Variants in TRIM2 observed in about 807,000 individuals in gnomAD.
TRIM2 encodes the protein tripartite motif-containing protein 2.
Under a neutral mutation model 75.2 loss-of-function variants are expected in TRIM2, and 20 were observed. The observed-to-expected ratio is 0.27, with a 90% CI of 0.19 to 0.39. The LOEUF (loss-of-function observed/expected upper bound fraction) is 0.39, where lower values mean the gene tolerates loss of function less well. TRIM2 is among the 10% of genes least tolerant of loss of function. TRIM2 has a pLI of 1.00. For synonymous variants in TRIM2, 373 were observed against 388.3 expected, an observed-to-expected ratio of 0.96 and a Z score of 0.46; for missense variants, 660 against 990.8, an observed-to-expected ratio of 0.67 and a Z score of 4.48.
chr4:153,167,926 C>T (rs1730470560), intron 1 of TRIM2, among the ~76,000 whole-genome samples: 4 of 152,172 alleles, frequency 2.6e-5, no homozygotes, highest in Non-Finnish European at 5.9e-5. Context: ...CTTGGAAGCA[C>T]AGGAAATGGT....
intron 1 of TRIM2, among the ~76,000 whole-genome samples, chr4:153,164,232 G>A (rs1708162472): frequency 6.6e-6 from 1 of 152,088 alleles, no homozygotes; most frequent in Non-Finnish European, 1.5e-5. Flanking sequence ...TTTAACTCCT[G>A]GCCTCAAGCA....
At chr4:153,166,537 TTC>T (rs1288657709) in intron 1 of TRIM2, among the ~76,000 whole-genome samples, 2 of 63,514 alleles carry the variant, frequency 3.1e-5, no homozygotes, top group Admixed American at 1.5e-4. Context: ...TTCCTTCCTT[TTC>T]TCTCTCTCTC....
rs1772500821 is a variant in TRIM2 at position 153,336,778 on chromosome 4, C to G, written c.*1812C>G. ...AATTGTCTGTTAAATTTATTATGCC[C>G]AAATCAACCTCTGAAAAAAGGTTTT... On this transcript the variant is annotated 3_prime_UTR_variant, in exon 12 of 12. Coordinates refer to ENST00000338700, the MANE Select transcript of TRIM2 (RefSeq NM_015271.5). 2.0e-6 allele frequency: 2 copies of G among 985,438 alleles called. No individual in the cohort carries two copies. The highest frequency in any genetic ancestry group is 2.4e-6 in the Non-Finnish European group (2 of 829,718). The allele number at this position is 985,438 out of a possible 1,614,324, so 61.0% of individuals were successfully genotyped here. A position where few individuals can be genotyped will look rare whatever the true frequency, so the allele number is the denominator to read the frequency against.
intron 1 of TRIM2, among the ~76,000 whole-genome samples, chr4:153,196,095 C>A (rs967085971): frequency 6.6e-6 from 1 of 152,220 alleles, no homozygotes; most frequent in Admixed American, 6.5e-5. Context: ...CAGGCGTGAG[C>A]CACTGTGCCT....
intron 1 of TRIM2, among the ~76,000 whole-genome samples, chr4:153,258,652 TA>T (rs1366710603): frequency 1.3e-5 from 2 of 152,240 alleles, no homozygotes; most frequent in African/African-American, 4.8e-5. Flanking sequence ...TTCAATGTAA[TA>T]GCTTTCAAAA....
At chr4:153,177,746 C>CTTCT (rs1731612998) in intron 1 of TRIM2, among the ~76,000 whole-genome samples, 1 of 150,560 alleles carries the variant, frequency 6.6e-6, no homozygotes, top group African/African-American at 2.4e-5. Flanking sequence ...TCCTTCCTTC[C>CTTCT]TTCCTTCTTT....
intron 1 of TRIM2, among the ~76,000 whole-genome samples, chr4:153,207,443 TC>T (rs1420644543): frequency 2.0e-5 from 3 of 152,240 alleles, no homozygotes; most frequent in African/African-American, 7.2e-5. Context: ...TTACCAAATC[TC>T]CCTAAGTCTG....
chr4:153,336,182 G>A lies in TRIM2; in HGVS notation c.*1216G>A, dbSNP rs1053139462. 2.0e-6 allele frequency: 2 copies of A among 984,972 alleles called. No individual in the cohort carries two copies. Among genetic ancestry groups the A allele is most frequent in the Non-Finnish European group, 2.4e-6 (2 of 829,798 alleles). The allele number at this position is 984,972 out of a possible 1,614,324, so 61.0% of individuals were successfully genotyped here. On this transcript the variant is annotated 3_prime_UTR_variant, in exon 12 of 12. Transcript: ENST00000338700. ...AATCTTTGGTGTATTGAAATAGGCA[G>A]CACTCTGAAAGACAGAAGCTTCGTC...
At chr4:153,219,108 G>GGTA (rs1188127365) in intron 1 of TRIM2, among the ~76,000 whole-genome samples, 1 of 152,102 alleles carries the variant, frequency 6.6e-6, no homozygotes, top group African/African-American at 2.4e-5. Context: ...GTGTGCCCAG[G>GGTA]GTAGTGTTTT....
intron 6 of TRIM2, among the ~76,000 whole-genome samples, chr4:153,304,817 A>G (rs1445279299): frequency 6.6e-6 from 1 of 152,228 alleles, no homozygotes; most frequent in East Asian, 1.9e-4. Context: ...ATGCACACTA[A>G]GGTTTGGAAA....
intron 1 of TRIM2, among the ~76,000 whole-genome samples, chr4:153,213,920 G>T (rs1168744609): frequency 6.6e-6 from 1 of 152,042 alleles, no homozygotes; most frequent in Non-Finnish European, 1.5e-5. Flanking sequence ...GCACAGGACA[G>T]TTGGCTACAT....
intron 3 of TRIM2, among the ~76,000 whole-genome samples, chr4:153,278,835 G>A (rs1758599578): frequency 6.6e-6 from 1 of 151,496 alleles, no homozygotes; most frequent in Admixed American, 6.6e-5. Flanking sequence ...AAAAATAAAT[G>A]TTACCTCCAT....
Position 153,213,309 on chromosome 4 carries a change from A to G in TRIM2, c.30+8749A>G, listed in dbSNP as rs138658412. On this transcript the variant is annotated intron_variant, in intron 1 of 11. Transcript: ENST00000338700. ...AGGGTACATTATATTCTTTTGCATG[A>G]ATGTGCAAAAATATGTCTTCATGCT... Among the ~76,000 whole-genome samples, 5 of 152,328 alleles carry G rather than the reference A, an allele frequency of 3.3e-5. No homozygotes were observed. The East Asian group carries it at 9.6e-4, about 29-fold the overall frequency.
intron 8 of TRIM2, among the ~76,000 whole-genome samples, chr4:153,321,169 C>G (rs1351772798): frequency 3.3e-5 from 5 of 152,140 alleles, no homozygotes; most frequent in Non-Finnish European, 7.4e-5. Context: ...AATGAAGACT[C>G]AATACCACAC....
intron 1 of TRIM2, among the ~76,000 whole-genome samples, chr4:153,243,332 G>C (rs1487345465): frequency 6.6e-6 from 1 of 152,180 alleles, no homozygotes; most frequent in Non-Finnish European, 1.5e-5. Context: ...CCACATGAAG[G>C]GGTGACTCTT....
At chr4:153,296,096 C>G (rs1052882954) in intron 6 of TRIM2, 60 bp downstream of exon 6, 17 of 1,493,222 alleles carry the variant, frequency 1.1e-5, no homozygotes, top group Non-Finnish European at 1.5e-5. Context: ...GGTAACTGGG[C>G]ACGTGTCATT....
At chr4:153,155,865 A>G (rs1278170318) in intron 1 of TRIM2, among the ~76,000 whole-genome samples, 1 of 152,220 alleles carries the variant, frequency 6.6e-6, no homozygotes, top group Non-Finnish European at 1.5e-5. Context: ...CATGCCTAAG[A>G]GGACAAAGTC....
rs567926170 is a variant in TRIM2 at position 153,311,841 on chromosome 4, C to T, written c.1511-3644C>T. Among the ~76,000 whole-genome samples the T allele has an allele frequency of 7.5e-4, 114 of 151,170 alleles. 2 individuals carry two copies. Among genetic ancestry groups the T allele is most frequent in the Middle Eastern group, 3.4e-3 (1 of 292 alleles). On this transcript the variant is annotated intron_variant, in intron 6 of 11. Transcript: ENST00000338700. ...TCCCAAAGTGCTGTGATTACAGGCA[C>T]GAGCTATGATGCCTGGCCTATAAAA...
chr4:153,262,061 A>T (rs1286454857), intron 1 of TRIM2, among the ~76,000 whole-genome samples: 1 of 152,216 alleles, frequency 6.6e-6, no homozygotes, highest in Non-Finnish European at 1.5e-5. Flanking sequence ...GCAAGCCCCC[A>T]TTAATAAGGG....
Sources: allele counts gnomAD v4.1 joint callset (sites outside exome capture counted in the v4.1 genomes callset), GRCh38; gene constraint gnomAD v4.1.1; transcripts MANE v1.5; gene names NCBI Gene and HGNC (gene_info 2026-07-23, HGNC 2026-07-21).